The following ATXN10 variants were observed in gnomAD, a reference collection of about 807,000 sequenced individuals.
The protein encoded by ATXN10 is ataxin-10.
ATXN10 carries 28 observed loss-of-function variants against 52.9 expected under a neutral mutation model. The observed-to-expected ratio is 0.53, with a 90% CI of 0.39 to 0.73. ATXN10 has a LOEUF of 0.73. Ranked by LOEUF, ATXN10 falls within the 30% of genes least tolerant of loss-of-function variation. The pLI is 0.00. For missense variants in ATXN10, 565 were observed against 577.0 expected (o/e 0.98, Z 0.21); for synonymous variants, 226 against 221.5 (o/e 1.02, Z -0.18).
rs758635778 is a variant in ATXN10, at chr22:45,833,744, A to C, written c.1238-9247A>C. Among the ~76,000 whole-genome samples, 7 of 152,202 alleles carry C rather than the reference A, an allele frequency of 4.6e-5. No individual in the cohort carries two copies. Among genetic ancestry groups the C allele is most frequent in the Non-Finnish European group, 8.8e-5 (6 of 68,028 alleles). ...TATCACAAAACCTACCGTTCCTTGT[A>C]CTGGTTTGTAGGCATAGCTCAGAAA... On this transcript the variant is annotated intron_variant, in intron 10 of 11. Transcript: ENST00000252934. The surrounding 1 kb of genome is among the most constrained non-coding windows in gnomAD (Gnocchi z 4.3).
In ATXN10 at chr22:45,824,042, C is replaced by A. The variant is rs192453731; in HGVS notation, c.1237+17020C>A. On this transcript the variant is annotated intron_variant, in intron 10 of 11. Coordinates refer to ENST00000252934, the MANE Select transcript of ATXN10 (RefSeq NM_013236.4). The surrounding 1 kb of genome is among the most constrained non-coding windows in gnomAD (Gnocchi z 5.2). ...GTTTGTTTGTTTTGGTAGTCCCTGG[C>A]ACATGGTGGTACAGTGGGTATGCAG... Among the ~76,000 whole-genome samples the A allele has an allele frequency of 5.3e-5, 8 of 152,268 alleles. No individual in the cohort carries two copies. The East Asian group carries it at 5.8e-4, about 11-fold the overall frequency.
rs1203496575 is a variant in ATXN10, at chr22:45,842,013, C to T, written c.1238-978C>T. 1.3e-5 allele frequency among the ~76,000 whole-genome samples: 2 copies of T among 152,170 alleles called. No homozygotes were observed. The highest frequency in any genetic ancestry group is 2.9e-5 in the Non-Finnish European group (2 of 68,032). The stretch of plus-strand genomic sequence containing the variant: ...GACTTGTTTGTCTTGCTGCCTTTAT[C>T]TGCTCGTGGGCAGGGAGGTCTCTTT... On this transcript the variant is annotated intron_variant, in intron 10 of 11. Coordinates refer to ENST00000252934, the MANE Select transcript of ATXN10 (RefSeq NM_013236.4). This position sits in a 1 kb window ranked among gnomAD's most constrained non-coding sequence, Gnocchi z 4.8.
intron 9 of ATXN10, among the ~76,000 whole-genome samples, chr22:45,801,008 T>C (rs1454192666): frequency 6.6e-6 from 1 of 152,186 alleles, no homozygotes; most frequent in East Asian, 1.9e-4. Context: ...TTTCTGTAAA[T>C]TATACCTCAA....
chr22:45,735,935 T>C, intron 7 of ATXN10, among the ~76,000 whole-genome samples: 1 of 151,852 alleles, frequency 6.6e-6, no homozygotes, highest in East Asian at 1.9e-4. Context: ...CAGTAATTTT[T>C]CCTGGCTGTT....
chr22:45,672,072 G>A lies in ATXN10; in HGVS notation c.9G>A (p.Ala3=). 1.3e-6 allele frequency: 2 copies of A among 1,537,330 alleles called. No homozygotes were observed. The highest frequency in any genetic ancestry group is 1.2e-5 in the South Asian group (1 of 83,886). The change falls in exon 1 of 12, where the codon GCG becomes GCA. Residue 3 remains alanine, a synonymous_variant. Coordinates refer to ENST00000252934, the MANE Select transcript of ATXN10 (RefSeq NM_013236.4). MA[A]PRPPPARLSG... is the part of the protein sequence containing the mutation. ...CAGCTGTGAGCGGCAAGATGGCGGC[G>A]CCCAGGCCGCCGCCTGCCAGGCTGT...
rs557733911 is a variant in ATXN10, at chr22:45,789,791, A to C, written c.1174-17168A>C. Among the ~76,000 whole-genome samples the C allele has an allele frequency of 6.6e-6, 1 of 152,164 alleles. No individual in the cohort carries two copies. Among genetic ancestry groups the C allele is most frequent in the East Asian group, 1.9e-4 (1 of 5,204 alleles). On this transcript the variant is annotated intron_variant, in intron 9 of 11. Transcript: ENST00000252934. This position sits in a 1 kb window ranked among gnomAD's most constrained non-coding sequence, Gnocchi z 4.0. ...TCAGGATTGTCCTGCTCCCACCTTC[A>C]TGAGGCTGCTTTGCCAACTACACTC...
rs1159191367 is a variant in ATXN10 at position 45,772,070 on chromosome 22, A to T, written c.1173+31532A>T. Among the ~76,000 whole-genome samples, 2 of 152,236 alleles carry T rather than the reference A, an allele frequency of 1.3e-5. No individual in the cohort carries two copies. The highest frequency in any genetic ancestry group is 4.8e-5 in the African/African-American group (2 of 41,466). ...CAGTGTGTTTGGCAGAGCAAGAGTT[A>T]AAATTTTTGAAGTTCACTTTATCAA... On this transcript the variant is annotated intron_variant, in intron 9 of 11. Transcript: ENST00000252934. This position sits in a 1 kb window ranked among gnomAD's most constrained non-coding sequence, Gnocchi z 4.1.
intron 9 of ATXN10, among the ~76,000 whole-genome samples, chr22:45,797,122 A>G (rs1927770075): frequency 1.3e-5 from 2 of 152,270 alleles, no homozygotes; most frequent in Admixed American, 6.5e-5. Context: ...ATCTGCAGTC[A>G]TAATCGGAGA....
At chr22:45,672,332 C>T in intron 1 of ATXN10, 153 bp downstream of exon 1, 3 of 843,176 alleles carry the variant, frequency 3.6e-6, no homozygotes, top group Non-Finnish European at 4.5e-6. Context: ...CCAGGCCTCC[C>T]GACTCCCAGG....
intron 9 of ATXN10, among the ~76,000 whole-genome samples, chr22:45,799,576 C>T (rs1342776797): frequency 2.6e-5 from 4 of 152,178 alleles, no homozygotes; most frequent in Admixed American, 6.5e-5. Context: ...TGCCAGCAAA[C>T]TATCAGTAGC....
rs559945747 is a variant in ATXN10, at chr22:45,789,779, G to T, written c.1174-17180G>T. On this transcript the variant is annotated intron_variant, in intron 9 of 11. Transcript: ENST00000252934. This position sits in a 1 kb window ranked among gnomAD's most constrained non-coding sequence, Gnocchi z 4.0. ...AAGCTCAGTTTGTCAGGATTGTCCT[G>T]CTCCCACCTTCATGAGGCTGCTTTG... 1.3e-5 allele frequency among the ~76,000 whole-genome samples: 2 copies of T among 152,148 alleles called. No individual in the cohort carries two copies. Among genetic ancestry groups the T allele is most frequent in the African/African-American group, 4.8e-5 (2 of 41,412 alleles).
chr22:45,835,529 A>T lies in ATXN10; in HGVS notation c.1238-7462A>T, dbSNP rs1929138882. Among the ~76,000 whole-genome samples, 1 of 152,222 alleles carries T rather than the reference A, an allele frequency of 6.6e-6. No individual in the cohort carries two copies. The highest frequency in any genetic ancestry group is 1.5e-5 in the Non-Finnish European group (1 of 68,038). On this transcript the variant is annotated intron_variant, in intron 10 of 11. Coordinates refer to ENST00000252934, the MANE Select transcript of ATXN10 (RefSeq NM_013236.4). The surrounding 1 kb of genome is among the most constrained non-coding windows in gnomAD (Gnocchi z 5.0). ...AGGACAGTGAATGGGCCTTCGTTTC[A>T]GCATCTTTAATAAAGTACTGATTTG...
rs1439823863 is a variant in ATXN10, at chr22:45,727,003, T to G, written c.729-2422T>G. Among the ~76,000 whole-genome samples, 1 of 151,812 alleles carries G rather than the reference T, an allele frequency of 6.6e-6. No homozygotes were observed. The highest frequency in any genetic ancestry group is 6.5e-5 in the Admixed American group (1 of 15,278). On this transcript the variant is annotated intron_variant, in intron 6 of 11. Coordinates refer to ENST00000252934, the MANE Select transcript of ATXN10 (RefSeq NM_013236.4). This position sits in a 1 kb window ranked among gnomAD's most constrained non-coding sequence, Gnocchi z 4.6. Reference sequence around the variant, plus strand: ...GCCTAGTTGGTTCTGTTTCTCTAGTTCTTTGAGGTATGATGTTAGATTGTC... The same window carrying G: ...GCCTAGTTGGTTCTGTTTCTCTAGTGCTTTGAGGTATGATGTTAGATTGTC...
rs1242395400 is a variant in ATXN10, at chr22:45,819,028, C to T, written c.1237+12006C>T. On this transcript the variant is annotated intron_variant, in intron 10 of 11. Coordinates refer to ENST00000252934, the MANE Select transcript of ATXN10 (RefSeq NM_013236.4). The surrounding 1 kb of genome is among the most constrained non-coding windows in gnomAD (Gnocchi z 4.5). ...CTAAATAATTTCACCTTAATCGTCA[C>T]TATTCTAGACCAGTTGTAAGCTTAC... is the stretch of plus-strand genomic sequence containing the variant. Among the ~76,000 whole-genome samples the T allele has an allele frequency of 2.0e-5, 3 of 152,132 alleles. No individual in the cohort carries two copies. Among genetic ancestry groups the T allele is most frequent in the African/African-American group, 7.2e-5 (3 of 41,412 alleles).
intron 10 of ATXN10, among the ~76,000 whole-genome samples, chr22:45,829,321 A>T (rs1469100248): frequency 6.6e-6 from 1 of 152,210 alleles, no homozygotes; most frequent in African/African-American, 2.4e-5. Flanking sequence ...AAGATCGGGA[A>T]CAAGGCAAGG....
chr22:45,721,952 G>T (rs531860809), intron 6 of ATXN10, among the ~76,000 whole-genome samples: 3 of 152,062 alleles, frequency 2.0e-5, no homozygotes, highest in Admixed American at 1.3e-4. Flanking sequence ...AACAGGAATC[G>T]TAATTTTAAG....
intron 10 of ATXN10, among the ~76,000 whole-genome samples, chr22:45,822,173 G>C (rs1928671110): frequency 6.6e-6 from 1 of 152,108 alleles, no homozygotes; most frequent in African/African-American, 2.4e-5. Flanking sequence ...GCATTTCATT[G>C]CAAGAAATTT....
At chr22:45,692,380 AG>A (rs1289204257) in intron 2 of ATXN10, among the ~76,000 whole-genome samples, 4 of 152,162 alleles carry the variant, frequency 2.6e-5, no homozygotes, top group Non-Finnish European at 5.9e-5. Flanking sequence ...TGAACATTTA[AG>A]GGTGTTAATT....
At chr22:45,788,559 C>G (rs572783766) in intron 9 of ATXN10, among the ~76,000 whole-genome samples, 5 of 151,856 alleles carry the variant, frequency 3.3e-5, no homozygotes, top group Non-Finnish European at 5.9e-5. Flanking sequence ...TTCTTCGTGC[C>G]GCTCTTGCTC....
Sources: allele counts gnomAD v4.1 joint callset (sites outside exome capture counted in the v4.1 genomes callset), GRCh38; gene constraint gnomAD v4.1.1; non-coding constraint Gnocchi (gnomAD v3.1); transcripts MANE v1.5; gene names NCBI Gene and HGNC (gene_info 2026-07-23, HGNC 2026-07-21).